Variants in MED24 observed in about 807,000 individuals in gnomAD.
MED24 encodes mediator complex subunit 24.
MED24 carries 74 observed loss-of-function variants against 118.8 expected under a neutral mutation model. The observed-to-expected ratio is 0.62, with a 90% CI of 0.52 to 0.76. The LOEUF is 0.76. MED24 is among the 30% of genes least tolerant of loss of function. The pLI, the probability that MED24 is intolerant of heterozygous loss-of-function variation, is 0.00. For missense variants in MED24, 1,041 were observed against 1,278.9 expected, an observed-to-expected ratio of 0.81 and a Z score of 2.84; for synonymous variants, 521 against 523.9, an observed-to-expected ratio of 0.99 and a Z score of 0.08.
At chr17:40,025,312 C>T (rs901961343) in intron 19 of MED24, among the ~76,000 whole-genome samples, 3 of 152,100 alleles carry the variant, frequency 2.0e-5, no homozygotes, top group Admixed American at 6.5e-5. Flanking sequence ...CCTGTCTCTA[C>T]AAAGACTAGA....
Position 40,026,948 on chromosome 17 carries a change from G to T in MED24, c.1617C>A (p.Ile539=). ...MQTCMPEEGK[I]LNPDHPCFRP... ...GGAAGCAGGGGTGGTCAGGGTTCAGGATCTTGCCCTCCTCAGGCATGCAGG... is the reference window on the plus strand; with the variant it reads ...GGAAGCAGGGGTGGTCAGGGTTCAGTATCTTGCCCTCCTCAGGCATGCAGG... Residue 539 remains isoleucine (I), a synonymous_variant, in exon 17 of 26, where the codon ATC becomes ATA. Coordinates refer to ENST00000394128, the MANE Select transcript of MED24 (RefSeq NM_014815.4). The T allele has an allele frequency of 6.2e-7, 1 of 1,614,206 alleles. No individual in the cohort carries two copies. Among genetic ancestry groups the T allele is most frequent in the Non-Finnish European group, 8.5e-7 (1 of 1,180,032 alleles).
rs369053113 is a variant in MED24 at position 40,031,499 on chromosome 17, G to A, written c.1067+39C>T. On this transcript the variant is annotated intron_variant, in intron 11 of 25. Transcript: ENST00000394128. ...AGAGATCAGGGGAAGAGCCCAGAAC[G>A]CCTTCCAGTAGGGCGGGGGTGACCA... The A allele has an allele frequency of 3.9e-5, 61 of 1,566,488 alleles. No individual in the cohort carries two copies. In the South Asian group the frequency reaches 3.9e-4, roughly 10 times the overall value.
intron 5 of MED24, 119 bp from the exon 6 acceptor site, chr17:40,035,468 A>ATCTTCCCC: frequency 8.6e-7 from 1 of 1,162,564 alleles, no homozygotes; most frequent in Non-Finnish European, 1.2e-6. Context: ...AGAAGCTAGC[A>ATCTTCCCC]AAGTCCTGGG....
At chr17:40,036,065 G>A (rs373122652) in intron 4 of MED24, 51 bp downstream of exon 4, 5 of 1,561,768 alleles carry the variant, frequency 3.2e-6, no homozygotes, top group East Asian at 2.2e-5. Flanking sequence ...TCAAGGAGGC[G>A]GGGCCTTGTC....
chr17:40,032,924 G>A (rs962611027), intron 8 of MED24, 132 bp downstream of exon 8: 24 of 1,395,648 alleles, frequency 1.7e-5, no homozygotes, highest in African/African-American at 1.3e-4. Context: ...AAGTGTGCAC[G>A]ACTGGCACCC....
chr17:40,022,257 C>T, intron 22 of MED24, 137 bp downstream of exon 22: 1 of 1,014,654 alleles, frequency 9.9e-7, no homozygotes, highest in South Asian at 1.6e-5. Context: ...CATGCAGATT[C>T]CTGACCAATC....
In MED24 at chr17:40,033,840, G is replaced by T; in HGVS notation, c.560-384C>A. 2 of 447,558 alleles carry T rather than the reference G, an allele frequency of 4.5e-6. No individual in the cohort carries two copies. The highest frequency in any genetic ancestry group is 9.0e-6 in the Non-Finnish European group (2 of 222,518). 27.7% of individuals were successfully genotyped at this position (447,558 alleles called of 1,614,324 possible). On this transcript the variant is annotated intron_variant, in intron 6 of 25. Transcript: ENST00000394128. This position sits in a 1 kb window ranked among gnomAD's most constrained non-coding sequence, Gnocchi z 5.2. Reference sequence around the variant, plus strand: ...GATCCCAAAGTCCAGTCTTGCAGAGGCTGTCACTCTCCTCTGGGGGAACTG... The same window carrying T: ...GATCCCAAAGTCCAGTCTTGCAGAGTCTGTCACTCTCCTCTGGGGGAACTG...
At position 40,027,331 on chromosome 17, in the gene MED24, C is replaced by A. The variant is rs942408554; in HGVS notation, c.1530+52G>T. The A allele has an allele frequency of 2.6e-6, 4 of 1,560,900 alleles. No homozygotes were observed. In the African/African-American group the frequency reaches 5.5e-5, roughly 21 times the overall value. On this transcript the variant is annotated intron_variant, in intron 16 of 25. Transcript: ENST00000394128. ...CGCAGGCAGTGAGGTGGGGAGAGTTCCGGGTTACCTCCTTCCCTTGAGCCC... is the reference window on the plus strand; with the variant it reads ...CGCAGGCAGTGAGGTGGGGAGAGTTACGGGTTACCTCCTTCCCTTGAGCCC...
chr17:40,025,380 A>C (rs1035436267), intron 19 of MED24, among the ~76,000 whole-genome samples: 1 of 152,174 alleles, frequency 6.6e-6, no homozygotes, highest in Non-Finnish European at 1.5e-5. Context: ...AGGCGAGAGG[A>C]TCACTTGAGC....
At position 40,022,133 on chromosome 17, in the gene MED24, G is replaced by A. The variant is rs28624749; in HGVS notation, c.2524-79C>T. On this transcript the variant is annotated intron_variant, in intron 22 of 25. Transcript: ENST00000394128. ...TGTCAGGGAAAAGAGCTTGAGCTCC[G>A]ATTTGAGCGAGGTCAGCATGGCTAG... is the stretch of plus-strand genomic sequence containing the variant. 1,726 of 1,182,444 alleles carry A rather than the reference G, an allele frequency of 1.5e-3. 13 individuals are homozygous for A. In the African/African-American group the frequency reaches 0.018, roughly 12 times the overall value. The allele number at this position is 1,182,444 out of a possible 1,614,324, so 73.2% of individuals were successfully genotyped here.
Position 40,033,552 on chromosome 17 carries a change from A to C in MED24, c.560-96T>G, listed in dbSNP as rs187981826. 1.0e-3 allele frequency: 938 copies of C among 939,042 alleles called. 9 individuals carry two copies. In the East Asian group the frequency reaches 0.02, roughly 20 times the overall value. 58.2% of individuals were successfully genotyped at this position (939,042 alleles called of 1,614,324 possible). On this transcript the variant is annotated intron_variant, in intron 6 of 25. Coordinates refer to ENST00000394128, the MANE Select transcript of MED24 (RefSeq NM_014815.4). The surrounding 1 kb of genome is among the most constrained non-coding windows in gnomAD (Gnocchi z 5.2). ...TCGATTTTGGCACTCCCTCCGGCAC[A>C]CGAAACCACACAGGAAGGCTTCCCC... is the stretch of plus-strand genomic sequence containing the variant.
In MED24 at chr17:40,022,501, G is replaced by A; in HGVS notation, c.2433-17C>T. On this transcript the variant is annotated splice_polypyrimidine_tract_variant and intron_variant, in intron 21 of 25. Transcript: ENST00000394128. ...ACGGCCAGCCTGGCAAAGGGTTCCA[G>A]AAAAAGGGGGACAGTGAGAGGTGCC... 1 of 1,601,622 alleles carries A rather than the reference G, an allele frequency of 6.2e-7. No individual in the cohort carries two copies. The highest frequency in any genetic ancestry group is 8.5e-7 in the Non-Finnish European group (1 of 1,174,262).
In MED24 at chr17:40,022,465, G is replaced by A. The variant is rs143907532; in HGVS notation, c.2452C>T (p.Leu818Phe). 1.9e-6 allele frequency: 3 copies of A among 1,610,266 alleles called. No individual in the cohort carries two copies. The Admixed American group carries it at 5.1e-5, about 27-fold the overall frequency. ...ALAKLAVWCA[L>F]SSYSSHKGQA... ...CCCTTGTGGGAGGAGTAGGAACTGAGGGCACACCACACGGCCAGCCTGGCA... is the reference window on the plus strand; with the variant it reads ...CCCTTGTGGGAGGAGTAGGAACTGAAGGCACACCACACGGCCAGCCTGGCA... Residue 818 changes from leucine (L) to phenylalanine (F), a missense_variant, in exon 22 of 26, where the codon CTC (leucine) becomes TTC (phenylalanine). Transcript: ENST00000394128.
At chr17:40,028,803 G>C in intron 14 of MED24, 23 bp downstream of exon 14, 2 of 1,612,664 alleles carry the variant, frequency 1.2e-6, no homozygotes, top group Non-Finnish European at 1.7e-6. Context: ...ACGCCCTGGG[G>C]TCAGGGGCTT....
chr17:40,031,670 G>GGAA, intron 10 of MED24, 50 bp from the exon 11 acceptor site: 3 of 1,547,358 alleles, frequency 1.9e-6, no homozygotes, highest in Non-Finnish European at 2.7e-6. Flanking sequence ...ACCAGGCCCT[G>GGAA]ATCATCTCAG....
At chr17:40,040,854 T>C (rs1378178789) in intron 3 of MED24, among the ~76,000 whole-genome samples, 2 of 151,906 alleles carry the variant, frequency 1.3e-5, no homozygotes, top group Non-Finnish European at 2.9e-5. Flanking sequence ...GACCTCATGA[T>C]CCACTCCCTT....
rs59767650 is a variant in MED24, at chr17:40,019,175, AACACACACAC to A, written c.*344_*353del. 18 of 148,578 alleles carry A rather than the reference AACACACACAC, an allele frequency of 1.2e-4. No individual in the cohort carries two copies. The highest frequency in any genetic ancestry group is 4.9e-4 in the African/African-American group (16 of 32,962). 9.2% of individuals were successfully genotyped at this position (148,578 alleles called of 1,614,324 possible). A position where few individuals can be genotyped will look rare whatever the true frequency, so the allele number is the denominator to read the frequency against. Reference sequence around the variant, plus strand: ...CCTCACATATTACAAAATACACACAAACACACACACACACACACACACACACACATACACA... The same window carrying A: ...CCTCACATATTACAAAATACACACAAACACACACACACACACACATACACA... On this transcript the variant is annotated 3_prime_UTR_variant, in exon 26 of 26. Transcript: ENST00000394128.
At chr17:40,028,792 C>T (rs970998404) in intron 14 of MED24, 34 bp downstream of exon 14, 2 of 1,611,104 alleles carry the variant, frequency 1.2e-6, no homozygotes, top group Non-Finnish European at 1.7e-6. Context: ...AGCCTCCCTG[C>T]ACGCCCTGGG....
At position 40,022,400 on chromosome 17, in the gene MED24, G is replaced by A; in HGVS notation, c.2517C>T (p.Asp839=). 6.2e-7 allele frequency: 1 copy of A among 1,608,236 alleles called. No individual in the cohort carries two copies. The highest frequency in any genetic ancestry group is 1.7e-4 in the Middle Eastern group (1 of 6,056). Residue 839 remains aspartate, a synonymous_variant, in exon 22 of 26, where the codon GAC becomes GAT. Coordinates refer to ENST00000394128, the MANE Select transcript of MED24 (RefSeq NM_014815.4). ...STRQKKRHRE[D]IEDYISLFPL... is the part of the protein sequence containing the mutation. ...GGGCAGCTGGGGGGCCTACCTCAATGTCTTCGCGGTGTCTCTTCTTCTGGC... is the reference window on the plus strand; with the variant it reads ...GGGCAGCTGGGGGGCCTACCTCAATATCTTCGCGGTGTCTCTTCTTCTGGC...
Sources: gnomAD v4.1 joint callset for allele counts (sites outside exome capture counted in the v4.1 genomes callset) on GRCh38, gnomAD v4.1.1 for gene constraint, Gnocchi (gnomAD v3.1) non-coding constraint, MANE v1.5 for transcripts, NCBI Gene and HGNC (gene_info 2026-07-23, HGNC 2026-07-21) for gene names.